The following ZCCHC17 variants were observed in gnomAD, a reference collection of about 807,000 sequenced individuals.
The protein encoded by ZCCHC17 is zinc finger CCHC-type containing 17.
In ZCCHC17, 18 loss-of-function variants were observed where a neutral mutation model predicts 30.6. The observed-to-expected ratio is 0.59, with a 90% confidence interval of 0.41 to 0.87. The LOEUF (loss-of-function observed/expected upper bound fraction) is 0.87. ZCCHC17 is among the 40% of genes least tolerant of loss of function. The pLI, the probability that ZCCHC17 is intolerant of heterozygous loss-of-function variation, is 0.00. For missense variants in ZCCHC17, 263 were observed against 284.2 expected (o/e 0.93, Z 0.54); for synonymous variants, 88 against 92.4 (o/e 0.95, Z 0.27).
At chr1:31,353,856 A>T (rs1214897520) in intron 7 of ZCCHC17, among the ~76,000 whole-genome samples, 1 of 152,200 alleles carries the variant, frequency 6.6e-6, no homozygotes, top group Non-Finnish European at 1.5e-5. Flanking sequence ...CACTGTTTTG[A>T]CTACTGTAGC....
At chr1:31,305,289 CT>C (rs1464209293) in intron 1 of ZCCHC17, among the ~76,000 whole-genome samples, 2 of 150,094 alleles carry the variant, frequency 1.3e-5, no homozygotes, top group African/African-American at 2.5e-5. Context: ...TTTTTAATTT[CT>C]TTTTTTTGAG....
chr1:31,305,445 A>C (rs1000221964), intron 1 of ZCCHC17, among the ~76,000 whole-genome samples: 5 of 151,822 alleles, frequency 3.3e-5, no homozygotes, highest in Admixed American at 1.3e-4. Context: ...ATGCCGAGCT[A>C]ATTTATTTTA....
At chr1:31,312,033 A>G (rs1486475146) in intron 2 of ZCCHC17, among the ~76,000 whole-genome samples, 2 of 152,200 alleles carry the variant, frequency 1.3e-5, no homozygotes, top group Non-Finnish European at 2.9e-5. Context: ...TTGGAAGCAG[A>G]CAGTGAGCCC....
At chr1:31,336,453 A>G (rs979769777) in intron 3 of ZCCHC17, among the ~76,000 whole-genome samples, 1 of 152,206 alleles carries the variant, frequency 6.6e-6, no homozygotes, top group African/African-American at 2.4e-5. Context: ...AACTACAGAT[A>G]TTTTATCACA....
Position 31,364,073 on chromosome 1 carries a change from C to T in ZCCHC17, c.606C>T (p.Asp202=), listed in dbSNP as rs1245397930. 2 of 1,613,762 alleles carry T rather than the reference C, an allele frequency of 1.2e-6. No homozygotes were observed. Among genetic ancestry groups the T allele is most frequent in the East Asian group, 2.2e-5 (1 of 44,880 alleles). The change falls in exon 8 of 8, where the codon GAC becomes GAT. Residue 202 remains aspartate, a synonymous_variant. Coordinates refer to ENST00000344147, the MANE Select transcript of ZCCHC17 (RefSeq NM_016505.4). ...KKKHRDRKSS[D]SDSSDSESDT... Reference sequence around the variant, plus strand: ...AACATAGAGATAGGAAGTCATCTGACTCTGACAGCTCAGACTCTGAGAGTG... The same window carrying T: ...AACATAGAGATAGGAAGTCATCTGATTCTGACAGCTCAGACTCTGAGAGTG...
intron 6 of ZCCHC17, among the ~76,000 whole-genome samples, chr1:31,348,069 G>A (rs1476507304): frequency 2.0e-5 from 3 of 152,080 alleles, no homozygotes; most frequent in South Asian, 2.1e-4. Flanking sequence ...AACCTTAACC[G>A]TGTCCAACAG....
chr1:31,308,245 T>C (rs1036907304), intron 1 of ZCCHC17, among the ~76,000 whole-genome samples: 1 of 152,250 alleles, frequency 6.6e-6, no homozygotes, highest in Non-Finnish European at 1.5e-5. Context: ...AAAGACACTT[T>C]GGCTGACCTA....
chr1:31,349,992 T>C (rs1374644550), intron 7 of ZCCHC17, among the ~76,000 whole-genome samples: 3 of 152,224 alleles, frequency 2.0e-5, no homozygotes, highest in Non-Finnish European at 4.4e-5. Flanking sequence ...AAAATACTTA[T>C]CTGTCCCTAG....
chr1:31,324,662 T>G (rs1638265131), intron 3 of ZCCHC17, among the ~76,000 whole-genome samples: 1 of 152,246 alleles, frequency 6.6e-6, no homozygotes, highest in Non-Finnish European at 1.5e-5. Flanking sequence ...CTTGGGGTGG[T>G]GCTGCCATGC....
intron 1 of ZCCHC17, among the ~76,000 whole-genome samples, chr1:31,306,035 T>G (rs1301114197): frequency 6.6e-6 from 1 of 152,184 alleles, no homozygotes; most frequent in Non-Finnish European, 1.5e-5. Context: ...ATTTAATGCC[T>G]TCTCCATCTT....
intron 1 of ZCCHC17, among the ~76,000 whole-genome samples, chr1:31,306,667 T>C (rs953439159): frequency 6.7e-6 from 1 of 150,180 alleles, no homozygotes; most frequent in African/African-American, 2.5e-5. Context: ...CCCTCAAAAA[T>C]GCATGCCAGT....
intron 4 of ZCCHC17, among the ~76,000 whole-genome samples, chr1:31,337,869 A>G (rs1389138885): frequency 1.3e-5 from 2 of 152,236 alleles, no homozygotes; most frequent in Non-Finnish European, 1.5e-5. Flanking sequence ...ATTCAACAAT[A>G]TTTAAGTGCT....
In ZCCHC17 at chr1:31,364,451, A is replaced by C; in HGVS notation, c.*258A>C. ...TGCAGCTCACCCATTCATTCACCCA[A>C]CTTCCTTCATTCAGCAGGAGGTCCT... On this transcript the variant is annotated 3_prime_UTR_variant, in exon 8 of 8. Transcript: ENST00000344147. 2.0e-6 allele frequency: 1 copy of C among 505,594 alleles called. No individual in the cohort carries two copies. The highest frequency in any genetic ancestry group is 3.4e-6 in the Non-Finnish European group (1 of 295,170). The allele number at this position is 505,594 out of a possible 1,614,324, so 31.3% of individuals were successfully genotyped here. A position where few individuals can be genotyped will look rare whatever the true frequency, so the allele number is the denominator to read the frequency against.
intron 1 of ZCCHC17, among the ~76,000 whole-genome samples, chr1:31,308,370 G>A (rs572311230): frequency 6.6e-6 from 1 of 152,266 alleles, no homozygotes; most frequent in East Asian, 1.9e-4. Flanking sequence ...TGTCCTGAAA[G>A]GATTTTCTTT....
chr1:31,341,200 T>G (rs1233272976), intron 5 of ZCCHC17, among the ~76,000 whole-genome samples: 1 of 152,230 alleles, frequency 6.6e-6, no homozygotes, highest in East Asian at 1.9e-4. Context: ...TCTCTAAATA[T>G]TAACATGTTT....
At chr1:31,354,529 A>C (rs1258167982) in intron 7 of ZCCHC17, among the ~76,000 whole-genome samples, 1 of 151,930 alleles carries the variant, frequency 6.6e-6, no homozygotes, top group African/African-American at 2.4e-5. Context: ...TTTAACTGTG[A>C]TTCTATTTGT....
intron 1 of ZCCHC17, among the ~76,000 whole-genome samples, chr1:31,299,708 A>G (rs1260208403): frequency 6.6e-6 from 1 of 152,234 alleles, no homozygotes; most frequent in African/African-American, 2.4e-5. Context: ...AAGTTCTGCC[A>G]AAGTCTTTTA....
At chr1:31,302,761 G>A (rs549503349) in intron 1 of ZCCHC17, among the ~76,000 whole-genome samples, 31 of 152,252 alleles carry the variant, frequency 2.0e-4, no homozygotes, top group African/African-American at 7.5e-4. Flanking sequence ...TCAGAGGAGA[G>A]AGAGAGAGAG....
At chr1:31,353,450 T>C (rs983463787) in intron 7 of ZCCHC17, among the ~76,000 whole-genome samples, 2 of 152,220 alleles carry the variant, frequency 1.3e-5, no homozygotes, top group Non-Finnish European at 2.9e-5. Flanking sequence ...TAATGTTGAG[T>C]ATGTTCATGA....
Sources: allele counts gnomAD v4.1 joint callset (sites outside exome capture counted in the v4.1 genomes callset), GRCh38; gene constraint gnomAD v4.1.1; transcripts MANE v1.5; gene names NCBI Gene and HGNC (gene_info 2026-07-23, HGNC 2026-07-21).